The following ZNF407 variants were observed in gnomAD, a reference collection of about 807,000 sequenced individuals.
ZNF407 encodes the protein zinc finger protein 407.
Under a neutral mutation model 131.2 loss-of-function variants are expected in ZNF407, and 17 were observed. That is an observed-to-expected ratio of 0.13 (90% CI 0.09 to 0.19). ZNF407 has a LOEUF of 0.19. ZNF407 is among the 10% of genes least tolerant of loss of function. The probability of loss-of-function intolerance (pLI) is 1.00; values close to 1 mark genes in which losing one functional copy is unlikely to be tolerated. For synonymous variants in ZNF407, 1,156 were observed against 1,062.0 expected, an observed-to-expected ratio of 1.09 and a Z score of -1.72; for missense variants, 2,681 against 2,830.6, an observed-to-expected ratio of 0.95 and a Z score of 1.20.
At chr18:74,766,129 A>G (rs1969227005) in intron 3 of ZNF407, among the ~76,000 whole-genome samples, 1 of 151,962 alleles carries the variant, frequency 6.6e-6, no homozygotes, top group African/African-American at 2.4e-5. Context: ...ATTTGGTCTC[A>G]TGCAACAATG....
At chr18:74,796,339 G>A (rs546057462) in intron 4 of ZNF407, among the ~76,000 whole-genome samples, 2 of 152,278 alleles carry the variant, frequency 1.3e-5, no homozygotes, top group South Asian at 4.1e-4. Context: ...GACTGATAGA[G>A]CGTTAGGTTT....
chr18:74,936,783 A>T (rs1317297728), intron 8 of ZNF407, among the ~76,000 whole-genome samples: 1 of 152,254 alleles, frequency 6.6e-6, no homozygotes, highest in Non-Finnish European at 1.5e-5. Context: ...AAATATGGTC[A>T]TATGAACTTT....
intron 3 of ZNF407, among the ~76,000 whole-genome samples, chr18:74,779,001 G>A (rs2145020853): frequency 6.8e-6 from 1 of 147,186 alleles, no homozygotes; most frequent in East Asian, 2.0e-4. Flanking sequence ...TACAGTGTTA[G>A]TGTGGAGTAG....
At chr18:74,763,656 AT>A (rs1045476100) in intron 3 of ZNF407, among the ~76,000 whole-genome samples, 1 of 146,110 alleles carries the variant, frequency 6.8e-6, no homozygotes, top group Admixed American at 6.8e-5. Flanking sequence ...TGTAGTCTTC[AT>A]TTTTTCCTTG....
intron 3 of ZNF407, among the ~76,000 whole-genome samples, chr18:74,738,008 A>G (rs1217316828): frequency 1.3e-5 from 2 of 152,172 alleles, no homozygotes; most frequent in African/African-American, 4.8e-5. Context: ...GGATTTGAAG[A>G]TAAGTGTTAG....
At chr18:74,754,672 T>A (rs1374613745) in intron 3 of ZNF407, among the ~76,000 whole-genome samples, 2 of 152,260 alleles carry the variant, frequency 1.3e-5, no homozygotes, top group African/African-American at 2.4e-5. Context: ...AGTGTGTTTC[T>A]TAATCCTGAG....
chr18:74,708,610 A>G (rs780028284), intron 3 of ZNF407, among the ~76,000 whole-genome samples: 2 of 152,088 alleles, frequency 1.3e-5, no homozygotes, highest in Non-Finnish European at 2.9e-5. Flanking sequence ...GGGCTCCTTG[A>G]TCAGTTTTGA....
intron 8 of ZNF407, among the ~76,000 whole-genome samples, chr18:75,025,248 G>A (rs1243070056): frequency 6.6e-6 from 1 of 152,088 alleles, no homozygotes; most frequent in Non-Finnish European, 1.5e-5. Context: ...TGATATCTTT[G>A]GATTCGACCT....
chr18:74,984,390 A>C (rs912891375), intron 8 of ZNF407, among the ~76,000 whole-genome samples: 7 of 152,234 alleles, frequency 4.6e-5, no homozygotes, highest in Admixed American at 3.3e-4. Context: ...AAATTTAATA[A>C]GATCAGCAAG....
chr18:74,733,388 T>C (rs1177676488), intron 3 of ZNF407, among the ~76,000 whole-genome samples: 1 of 152,150 alleles, frequency 6.6e-6, no homozygotes, highest in Admixed American at 6.5e-5. Context: ...TATTATAAGA[T>C]TTCTTCTTTC....
chr18:74,617,648 A>T (rs1983373481), intron 1 of ZNF407, among the ~76,000 whole-genome samples: 1 of 151,926 alleles, frequency 6.6e-6, no homozygotes, highest in African/African-American at 2.4e-5. Flanking sequence ...TGACCAGGTG[A>T]TGTCATGCCC....
At chr18:74,985,239 T>A (rs1313962061) in intron 8 of ZNF407, among the ~76,000 whole-genome samples, 3 of 152,218 alleles carry the variant, frequency 2.0e-5, no homozygotes, top group Non-Finnish European at 4.4e-5. Context: ...TTTTACCTCC[T>A]TAAAATACCC....
chr18:74,826,475 C>T (rs1970411594), intron 4 of ZNF407, among the ~76,000 whole-genome samples: 1 of 152,186 alleles, frequency 6.6e-6, no homozygotes, highest in South Asian at 2.1e-4. Flanking sequence ...TCTTCAGAAA[C>T]AGAGCAAGTT....
rs369560668 is a variant in ZNF407 at position 75,064,221 on chromosome 18, C to G, written c.6500C>G (p.Thr2167Ser). Residue 2167 changes from threonine (T) to serine (S), a missense_variant, in exon 9 of 9, where the codon ACC becomes AGC. Coordinates refer to ENST00000299687, the MANE Select transcript of ZNF407 (RefSeq NM_017757.3). ...QESSGGFSEG[T>S]THYILTELPP... ...TCCAGTGGCGGCTTCTCCGAGGGCA[C>G]CACGCACTACATCCTGACAGAGCTG... The G allele has an allele frequency of 1.9e-6, 3 of 1,606,550 alleles. No individual in the cohort carries two copies. Among genetic ancestry groups the G allele is most frequent in the African/African-American group, 2.7e-5 (2 of 74,840 alleles).
chr18:74,641,951 C>G (rs963564365), intron 3 of ZNF407, among the ~76,000 whole-genome samples: 1 of 151,736 alleles, frequency 6.6e-6, no homozygotes, highest in African/African-American at 2.4e-5. Flanking sequence ...GAGAAACTTG[C>G]AGTTCTTATG....
intron 5 of ZNF407, among the ~76,000 whole-genome samples, chr18:74,879,017 C>G (rs924044019): frequency 6.6e-6 from 1 of 151,508 alleles, no homozygotes; most frequent in Admixed American, 6.6e-5. Flanking sequence ...ATAAAAAAAT[C>G]AAAGTCACTA....
chr18:74,631,479 G>A lies in ZNF407; in HGVS notation c.460G>A (p.Ala154Thr). ...SLKTDTEKTS[A>T]QEMVSLDLER... is the part of the protein sequence containing the mutation. ...GAAAACAGACACTGAAAAAACATCT[G>A]CTCAGGAAATGGTTTCCCTTGATCT... Residue 154 changes from alanine (A) to threonine (T), a missense_variant, in exon 2 of 9, where the codon GCT becomes ACT. Physicochemically the swap from Ala to Thr is moderately conservative, Grantham distance 58. This residue lies in a region of ZNF407 where 1,789 missense variants were observed against 1,748.7 expected (regional missense o/e 1.02). Transcript: ENST00000299687. 6.2e-7 allele frequency: 1 copy of A among 1,613,984 alleles called. No individual in the cohort carries two copies. The highest frequency in any genetic ancestry group is 8.5e-7 in the Non-Finnish European group (1 of 1,179,896).
At position 74,633,624 on chromosome 18, in the gene ZNF407, A is replaced by G. The variant is rs1174900929; in HGVS notation, c.2605A>G (p.Ile869Val). 1 of 1,613,938 alleles carries G rather than the reference A, an allele frequency of 6.2e-7. No individual in the cohort carries two copies. The highest frequency in any genetic ancestry group is 8.5e-7 in the Non-Finnish European group (1 of 1,179,912). ...TAGTATTACAAACTTGACTGTTCAC[A>G]TTAGACGAAAACACAGTCACCAGTA... Reference protein sequence around the residue: ...ASSITNLTVHIRRKHSHQYSY... With the variant: ...ASSITNLTVHVRRKHSHQYSY... Residue 869 changes from isoleucine to valine, a missense_variant, in exon 2 of 9, where the codon ATT becomes GTT. Ile to Val is a conservative substitution (Grantham distance 29, BLOSUM62 3). Transcript: ENST00000299687.
intron 3 of ZNF407, among the ~76,000 whole-genome samples, chr18:74,750,224 A>G (rs753805329): frequency 3.9e-5 from 6 of 152,170 alleles, no homozygotes; most frequent in Non-Finnish European, 8.8e-5. Flanking sequence ...TATCTTACCT[A>G]CATTATCATC....
Sources: gnomAD v4.1 joint callset for allele counts (sites outside exome capture counted in the v4.1 genomes callset) on GRCh38, gnomAD v4.1.1 for gene constraint, gnomAD v4.1.1 regional missense constraint, MANE v1.5 for transcripts, NCBI Gene and HGNC (gene_info 2026-07-23, HGNC 2026-07-21) for gene names.